GSK3B: variants seen among roughly 807,000 people sequenced by gnomAD.
GSK3B encodes the protein glycogen synthase kinase-3 beta.
GSK3B carries 15 observed loss-of-function variants against 56.4 expected under a neutral mutation model. That is an observed-to-expected ratio of 0.27 (90% CI 0.18 to 0.41). The LOEUF (loss-of-function observed/expected upper bound fraction) is 0.41. Among genes scored for constraint, GSK3B ranks in the 10% least tolerant of loss-of-function variants. GSK3B has a pLI of 1.00. For missense variants in GSK3B, 300 were observed against 513.4 expected, an observed-to-expected ratio of 0.58 and a Z score of 4.02; for synonymous variants, 181 against 188.9, an observed-to-expected ratio of 0.96 and a Z score of 0.34.
intron 7 of GSK3B, among the ~76,000 whole-genome samples, chr3:119,881,167 G>A (rs1576170944): frequency 6.6e-6 from 1 of 152,146 alleles, no homozygotes. Context: ...ATACCTTTAT[G>A]GATGAATCTC....
chr3:120,080,587 T>C (rs914182642), intron 1 of GSK3B, among the ~76,000 whole-genome samples: 29 of 152,112 alleles, frequency 1.9e-4, no homozygotes, highest in African/African-American at 6.8e-4. Context: ...TCCCAGCACC[T>C]TGGGAGGCCA....
chr3:119,895,797 C>T (rs1196330141), intron 7 of GSK3B, among the ~76,000 whole-genome samples: 3 of 152,068 alleles, frequency 2.0e-5, no homozygotes, highest in Admixed American at 1.3e-4. Context: ...AATACATTGT[C>T]TTGATTACTG....
chr3:120,093,421 G>A lies in GSK3B; in HGVS notation c.14C>T (p.Pro5Leu). Residue 5 changes from proline to leucine, a missense_variant, in exon 1 of 11, where the codon CCC becomes CTC. Transcript: ENST00000264235. ...GCTCTCCGCAAAGGAGGTGGTTCTG[G>A]GCCGCCCTGACATGATCACTCTCTT... MSGRPRTTSFAESCK... is the reference protein window; with the variant it reads MSGRLRTTSFAESCK... The A allele has an allele frequency of 6.2e-7, 1 of 1,612,454 alleles. No individual in the cohort carries two copies. Among genetic ancestry groups the A allele is most frequent in the South Asian group, 1.1e-5 (1 of 91,030 alleles).
chr3:119,850,052 TGTA>T (rs2055906798), intron 9 of GSK3B, among the ~76,000 whole-genome samples: 1 of 49,394 alleles, frequency 2.0e-5, no homozygotes, highest in East Asian at 5.5e-4. Flanking sequence ...AATCTATAGA[TGTA>T]TGTATGTATG....
chr3:119,843,389 TCTTAA>T, intron 9 of GSK3B, 36 bp from the exon 10 acceptor site: 1 of 1,174,638 alleles, frequency 8.5e-7, no homozygotes, highest in Non-Finnish European at 1.3e-6. Context: ...TAGAGTCCAC[TCTTAA>T]CTTTGTATGC....
intron 5 of GSK3B, among the ~76,000 whole-genome samples, chr3:119,915,475 C>CGT (rs2056771492): frequency 1.3e-5 from 2 of 151,982 alleles, no homozygotes; most frequent in Non-Finnish European, 2.9e-5. Flanking sequence ...CTTTCTCAGG[C>CGT]AATCAAATAT....
intron 1 of GSK3B, among the ~76,000 whole-genome samples, chr3:120,035,343 T>C (rs555500181): frequency 1.3e-5 from 2 of 152,328 alleles, no homozygotes; most frequent in South Asian, 4.1e-4. Context: ...CACCTTGATT[T>C]TGGACCTCCA....
In GSK3B at chr3:120,029,823, G is replaced by A. The variant is rs551108038; in HGVS notation, c.89-27584C>T. On this transcript the variant is annotated intron_variant, in intron 1 of 10. Transcript: ENST00000264235. ...GGAGCTTCTAGTGAAAATCTGGCAC[G>A]AAATGAGGACTAATGGCCCCCAAAA... 63 of 552,380 alleles carry A rather than the reference G, an allele frequency of 1.1e-4. No individual in the cohort carries two copies. The East Asian group carries it at 2.8e-3, about 25-fold the overall frequency. The allele number at this position is 552,380 out of a possible 1,614,324, so 34.2% of individuals were successfully genotyped here.
chr3:119,952,504 G>A (rs1410261572), intron 2 of GSK3B, among the ~76,000 whole-genome samples: 62 of 121,560 alleles, frequency 5.1e-4, no homozygotes, highest in Admixed American at 8.8e-4. Context: ...AAAAAAAAAA[G>A]AAAAGAAAGA....
At chr3:120,050,804 G>C (rs536290404) in intron 1 of GSK3B, among the ~76,000 whole-genome samples, 1 of 152,152 alleles carries the variant, frequency 6.6e-6, no homozygotes, top group African/African-American at 2.4e-5. Flanking sequence ...TAGAGGACTA[G>C]ATCTGGTCAA....
chr3:119,990,112 T>A (rs924038244), intron 2 of GSK3B, among the ~76,000 whole-genome samples: 1 of 151,838 alleles, frequency 6.6e-6, no homozygotes, highest in Admixed American at 6.6e-5. Flanking sequence ...AAATAACATC[T>A]CCAACCAGAA....
At chr3:119,830,702 A>T (rs147176886) in intron 10 of GSK3B, among the ~76,000 whole-genome samples, 1 of 152,202 alleles carries the variant, frequency 6.6e-6, no homozygotes, top group Non-Finnish European at 1.5e-5. Context: ...ACACTGATAC[A>T]TCTTTCTTAA....
rs147048946 is a variant in GSK3B at position 120,068,970 on chromosome 3, C to A, written c.88+24377G>T. Among the ~76,000 whole-genome samples, 363 of 152,044 alleles carry A rather than the reference C, an allele frequency of 2.4e-3. 1 individual carries two copies. The highest frequency in any genetic ancestry group is 3.8e-3 in the Non-Finnish European group (258 of 68,010). The stretch of plus-strand genomic sequence containing the variant: ...AAAGTTTAATAAAAATTACTCCATT[C>A]TGCTGAAATCCAAATTCAGAACCCA... On this transcript the variant is annotated intron_variant, in intron 1 of 10. Coordinates refer to ENST00000264235, the MANE Select transcript of GSK3B (RefSeq NM_001146156.2).
chr3:119,911,087 A>G (rs1027158434), intron 6 of GSK3B, among the ~76,000 whole-genome samples: 1 of 152,180 alleles, frequency 6.6e-6, no homozygotes, highest in Non-Finnish European at 1.5e-5. Flanking sequence ...TGAGTCACAA[A>G]TGTTCTTAGT....
chr3:120,058,872 T>C (rs1371766589), intron 1 of GSK3B, among the ~76,000 whole-genome samples: 6 of 152,020 alleles, frequency 3.9e-5, no homozygotes, highest in Non-Finnish European at 8.8e-5. Context: ...TAGCCGGGCA[T>C]GGCAGCATGC....
chr3:119,907,034 G>T (rs2056689279), intron 6 of GSK3B, among the ~76,000 whole-genome samples: 1 of 152,000 alleles, frequency 6.6e-6, no homozygotes, highest in East Asian at 1.9e-4. Context: ...AATATATTAG[G>T]AAATTGCTAA....
chr3:120,002,157 T>C lies in GSK3B; in HGVS notation c.171A>G (p.Thr57=), dbSNP rs1469499668. 6.2e-7 allele frequency: 1 copy of C among 1,611,230 alleles called. No homozygotes were observed. Among genetic ancestry groups the C allele is most frequent in the East Asian group, 2.2e-5 (1 of 44,684 alleles). ...ATCCATTTCCAATCACTTTAGTGTC[T>C]GTATAGCTGACTTCTTGTGGCCTGT... ...GPDRPQEVSY[T]DTKVIGNGSF... Residue 57 remains threonine (T), a synonymous_variant, in exon 2 of 11, where the codon ACA becomes ACG. Transcript: ENST00000264235.
intron 9 of GSK3B, among the ~76,000 whole-genome samples, chr3:119,844,425 T>C (rs1316620095): frequency 6.7e-6 from 1 of 149,422 alleles, no homozygotes. Context: ...ACAAAATAGA[T>C]AGACTGCTAG....
chr3:119,847,148 G>A (rs2055866506), intron 9 of GSK3B, among the ~76,000 whole-genome samples: 1 of 152,036 alleles, frequency 6.6e-6, no homozygotes, highest in South Asian at 2.1e-4. Context: ...GGGGTAGGGG[G>A]GAAGGGGGAG....
Sources: allele counts gnomAD v4.1 joint callset (sites outside exome capture counted in the v4.1 genomes callset), GRCh38; gene constraint gnomAD v4.1.1; transcripts MANE v1.5; gene names NCBI Gene and HGNC (gene_info 2026-07-23, HGNC 2026-07-21).